AGMO: variants seen among roughly 807,000 people sequenced by gnomAD.
AGMO encodes the protein alkylglycerol monooxygenase, also known as glyceryl-ether monooxygenase.
In AGMO, 75 loss-of-function variants were observed where a neutral mutation model predicts 60.2. The observed-to-expected ratio is 1.25, with a 90% CI of 1.03 to 1.51. The LOEUF is 1.51. AGMO is among the 40% of genes most tolerant of loss of function. The pLI is 0.00. For synonymous variants in AGMO, 261 were observed against 177.1 expected (o/e 1.47, Z -3.76); for missense variants, 763 against 525.5 (o/e 1.45, Z -4.42).
chr7:15,171,503 G>A, the AGMO span, among the ~76,000 whole-genome samples: 4 of 152,140 alleles, frequency 2.6e-5, no homozygotes, highest in Admixed American at 6.5e-5. Context: ...GGGTTGTGAG[G>A]AGTTAAGCTT....
chr7:15,435,387 T>A (rs1407879822), intron 3 of AGMO, among the ~76,000 whole-genome samples: 2 of 151,778 alleles, frequency 1.3e-5, no homozygotes, highest in African/African-American at 4.8e-5. Context: ...GCACCTGACA[T>A]CATTAATTTT....
intron 3 of AGMO, among the ~76,000 whole-genome samples, chr7:15,475,546 G>T (rs748187369): frequency 3.3e-5 from 5 of 151,900 alleles, no homozygotes; most frequent in South Asian, 4.2e-4. Context: ...TGTCGGATGT[G>T]GGGGGCTAGA....
At chr7:15,134,586 G>C in the AGMO span, among the ~76,000 whole-genome samples, 7 of 152,110 alleles carry the variant, frequency 4.6e-5, no homozygotes, top group South Asian at 2.1e-4. Flanking sequence ...AGTTGGCTTA[G>C]GATATTGACT....
chr7:15,353,665 A>T (rs541910430), intron 12 of AGMO, among the ~76,000 whole-genome samples: 1 of 152,228 alleles, frequency 6.6e-6, no homozygotes, highest in East Asian at 1.9e-4. Context: ...GTGAATCAGA[A>T]ATATATATTA....
intron 3 of AGMO, among the ~76,000 whole-genome samples, chr7:15,441,229 C>T (rs1039943846): frequency 1.3e-5 from 2 of 152,144 alleles, no homozygotes; most frequent in Non-Finnish European, 2.9e-5. Context: ...CAGTCCTGTA[C>T]ATAGGAAAAC....
At chr7:15,437,152 C>T (rs1466330091) in intron 3 of AGMO, among the ~76,000 whole-genome samples, 1 of 152,014 alleles carries the variant, frequency 6.6e-6, no homozygotes, top group African/African-American at 2.4e-5. Context: ...TATAATAGCC[C>T]ATGAATAACA....
At chr7:15,352,473 G>T (rs1487612004) in intron 12 of AGMO, among the ~76,000 whole-genome samples, 3 of 150,066 alleles carry the variant, frequency 2.0e-5, no homozygotes, top group African/African-American at 7.4e-5. Context: ...CCTTAGATCA[G>T]GGTGCAAAGG....
In AGMO at chr7:15,404,328, G is replaced by C. The variant is rs919542085; in HGVS notation, c.610-10149C>G. 4.6e-5 allele frequency among the ~76,000 whole-genome samples: 7 copies of C among 152,002 alleles called. No individual in the cohort carries two copies. The East Asian group carries it at 1.2e-3, about 25-fold the overall frequency. On this transcript the variant is annotated intron_variant, in intron 5 of 12. Transcript: ENST00000342526. Reference sequence around the variant, plus strand: ...TTATTCTTCAAACAAAAAGACAAGAGCAGGACAAGTTAGCATTTTATTTGA... The same window carrying C: ...TTATTCTTCAAACAAAAAGACAAGACCAGGACAAGTTAGCATTTTATTTGA...
the AGMO span, among the ~76,000 whole-genome samples, chr7:15,181,762 A>G: frequency 3.9e-5 from 6 of 152,180 alleles, no homozygotes; most frequent in African/African-American, 1.4e-4. Flanking sequence ...TAGTTTTAGT[A>G]TGTACAGCTC....
chr7:15,265,491 T>C (rs898820363), intron 12 of AGMO, among the ~76,000 whole-genome samples: 8 of 151,960 alleles, frequency 5.3e-5, no homozygotes, highest in African/African-American at 1.9e-4. Context: ...GATTACAATG[T>C]TTATATTATT....
intron 12 of AGMO, among the ~76,000 whole-genome samples, chr7:15,363,460 C>A (rs1342031224): frequency 6.6e-6 from 1 of 152,064 alleles, no homozygotes; most frequent in East Asian, 1.9e-4. Flanking sequence ...GTTATACTTC[C>A]TCCTTTTACA....
chr7:15,233,852 G>T (rs1782333194), intron 12 of AGMO, among the ~76,000 whole-genome samples: 1 of 152,154 alleles, frequency 6.6e-6, no homozygotes, highest in East Asian at 1.9e-4. Context: ...TTCGAGACCA[G>T]CCTGACCAAC....
At chr7:15,270,201 G>A (rs549531389) in intron 12 of AGMO, among the ~76,000 whole-genome samples, 2 of 152,104 alleles carry the variant, frequency 1.3e-5, no homozygotes, top group African/African-American at 4.8e-5. Flanking sequence ...GTTTTTCATA[G>A]AGGTTGTACT....
At chr7:15,337,921 G>A (rs1436796270) in intron 12 of AGMO, among the ~76,000 whole-genome samples, 2 of 152,174 alleles carry the variant, frequency 1.3e-5, no homozygotes, top group Non-Finnish European at 2.9e-5. Context: ...ATTAGCTGAG[G>A]AAAGCGATGA....
At chr7:15,171,202 G>C in the AGMO span, among the ~76,000 whole-genome samples, 2 of 151,910 alleles carry the variant, frequency 1.3e-5, no homozygotes, top group African/African-American at 2.4e-5. Flanking sequence ...AGGATGGTCT[G>C]GATCTCCTGA....
chr7:15,545,504 A>T (rs1004741438), intron 2 of AGMO, among the ~76,000 whole-genome samples: 1 of 152,018 alleles, frequency 6.6e-6, no homozygotes, highest in African/African-American at 2.4e-5. Context: ...ATACACACAC[A>T]TATATATTAT....
chr7:15,367,505 T>C (rs1372539607), intron 10 of AGMO, among the ~76,000 whole-genome samples: 1 of 152,064 alleles, frequency 6.6e-6, no homozygotes, highest in Non-Finnish European at 1.5e-5. Context: ...TATCTAACTT[T>C]TTCCATCATT....
chr7:15,523,657 G>A (rs914032195), intron 3 of AGMO, among the ~76,000 whole-genome samples: 1 of 152,088 alleles, frequency 6.6e-6, no homozygotes, highest in Admixed American at 6.6e-5. Flanking sequence ...ATAGGAAGGG[G>A]AACATCAGAC....
the AGMO span, among the ~76,000 whole-genome samples, chr7:15,187,444 T>C: frequency 6.6e-6 from 1 of 152,244 alleles, no homozygotes; most frequent in Non-Finnish European, 1.5e-5. Context: ...TGTCCTTGGA[T>C]GACATCTTGG....
Sources: allele counts gnomAD v4.1 joint callset (sites outside exome capture counted in the v4.1 genomes callset), GRCh38; gene constraint gnomAD v4.1.1; transcripts MANE v1.5; gene names NCBI Gene and HGNC (gene_info 2026-07-23, HGNC 2026-07-21).